Variants in CNTNAP3 observed in about 807,000 individuals in gnomAD.
CNTNAP3 encodes contactin-associated protein-like 3.
Under a neutral mutation model 92.1 loss-of-function variants are expected in CNTNAP3, and 36 were observed. The observed-to-expected ratio is 0.39, with a 90% CI of 0.30 to 0.52. CNTNAP3 has a LOEUF of 0.52. Ranked by LOEUF, CNTNAP3 falls within the 20% of genes least tolerant of loss-of-function variation. CNTNAP3 has a pLI of 0.76. For synonymous variants in CNTNAP3, 232 were observed against 422.3 expected (o/e 0.55, Z 5.53); for missense variants, 534 against 1,069.6 (o/e 0.50, Z 6.98).
intron 10 of CNTNAP3, among the ~76,000 whole-genome samples, 172 bp downstream of exon 10, chr9:39,149,634 C>T (rs564969797): frequency 2.2e-4 from 34 of 152,112 alleles, no homozygotes; most frequent in East Asian, 1.5e-3. Context: ...TGAGCCACCG[C>T]GCCCGGCCAA....
chr9:39,145,696 G>A lies in CNTNAP3; in HGVS notation c.1650-1350C>T, dbSNP rs752907945. Among the ~76,000 whole-genome samples the A allele has an allele frequency of 9.4e-3, 1,256 of 132,994 alleles. 1 individual carries two copies. Among genetic ancestry groups the A allele is most frequent in the East Asian group, 0.036 (147 of 4,046 alleles). The allele number at this position is 132,994 out of a possible 152,430, so 87.2% of individuals were successfully genotyped here. The stretch of plus-strand genomic sequence containing the variant: ...AGGGCCAAGACTTCCATAATTACAT[G>A]GTGTTAATGAGCATTTAGTCTGCAT... On this transcript the variant is annotated intron_variant, in intron 10 of 23. Coordinates refer to ENST00000297668, the MANE Select transcript of CNTNAP3 (RefSeq NM_033655.5).
At chr9:39,082,532 T>C (rs1033285368) in intron 21 of CNTNAP3, among the ~76,000 whole-genome samples, 3 of 152,288 alleles carry the variant, frequency 2.0e-5, no homozygotes, top group Non-Finnish European at 2.9e-5. Flanking sequence ...CATTCTGTAA[T>C]GTTGAAAGAG....
At chr9:39,119,556 A>G (rs1453138403) in intron 13 of CNTNAP3, among the ~76,000 whole-genome samples, 1 of 152,162 alleles carries the variant, frequency 6.6e-6, no homozygotes. Context: ...CACTCACTAT[A>G]TCCTAATGTA....
At chr9:39,149,344 G>GTT (rs1017581474) in intron 10 of CNTNAP3, among the ~76,000 whole-genome samples, 1 of 149,694 alleles carries the variant, frequency 6.7e-6, no homozygotes. Flanking sequence ...TAGAGATGCA[G>GTT]TTTTTGTTTT....
rs1308529450 is a variant in CNTNAP3 at position 39,067,149 on chromosome 9, T to C, written c.*6741A>G. Reference sequence around the variant, plus strand: ...TCTCATCTGCCATTAATTACATCCATTGTATTTTTTAATCTTATACATTAA... The same window carrying C: ...TCTCATCTGCCATTAATTACATCCACTGTATTTTTTAATCTTATACATTAA... On this transcript the variant is annotated 3_prime_UTR_variant, in exon 24 of 24. Transcript: ENST00000297668. Among the ~76,000 whole-genome samples, 1 of 151,734 alleles carries C rather than the reference T, an allele frequency of 6.6e-6. No individual in the cohort carries two copies. The highest frequency in any genetic ancestry group is 1.5e-5 in the Non-Finnish European group (1 of 67,554).
chr9:39,142,690 A>G (rs988632901), intron 11 of CNTNAP3, among the ~76,000 whole-genome samples: 28 of 151,712 alleles, frequency 1.8e-4, no homozygotes, highest in African/African-American at 6.6e-4. Context: ...AAAAAAAAGA[A>G]AATGTGTCAC....
chr9:39,098,524 T>C (rs1420525642), intron 18 of CNTNAP3, among the ~76,000 whole-genome samples: 1 of 152,162 alleles, frequency 6.6e-6, no homozygotes, highest in African/African-American at 2.4e-5. Context: ...TAAGAAAATT[T>C]TGGGTTATAA....
intron 10 of CNTNAP3, among the ~76,000 whole-genome samples, chr9:39,146,489 A>G (rs1821703224): frequency 1.3e-5 from 2 of 152,152 alleles, no homozygotes; most frequent in Admixed American, 1.3e-4. Flanking sequence ...GGAGATCGAG[A>G]CCATCCTGGC....
chr9:39,127,365 C>A (rs1462529505), intron 13 of CNTNAP3, among the ~76,000 whole-genome samples: 1 of 151,828 alleles, frequency 6.6e-6, no homozygotes, highest in East Asian at 1.9e-4. Context: ...TAAGTTCTTA[C>A]CTCTAGAAAC....
rs1269648727 is a variant in CNTNAP3 at position 39,118,185 on chromosome 9, C to T, written c.2155G>A (p.Ala719Thr). ...TCTAATCCACAAGTACACTTTTGAG[C>T]ATCAGGCAGAGAACCTCCCCAGGAA... ...HTSWGGSLPD[A>T]QKCTCGLEGN... is the part of the protein sequence containing the mutation. The change falls in exon 14 of 24, where the codon GCT (alanine) becomes ACT (threonine). Residue 719 changes from alanine (A) to threonine (T), a missense_variant. By Grantham distance (58) the Ala-to-Thr change is moderately conservative. Coordinates refer to ENST00000297668, the MANE Select transcript of CNTNAP3 (RefSeq NM_033655.5). 1.2e-6 allele frequency: 2 copies of T among 1,611,564 alleles called. No individual in the cohort carries two copies. The highest frequency in any genetic ancestry group is 1.7e-6 in the Non-Finnish European group (2 of 1,179,566).
intron 12 of CNTNAP3, among the ~76,000 whole-genome samples, chr9:39,133,350 T>A (rs925940483): frequency 3.9e-5 from 6 of 152,184 alleles, no homozygotes; most frequent in African/African-American, 1.4e-4. Context: ...ATGACCAAAC[T>A]TTTGTGACGT....
At chr9:39,101,074 T>C (rs1321217645) in intron 17 of CNTNAP3, among the ~76,000 whole-genome samples, 1 of 148,756 alleles carries the variant, frequency 6.7e-6, no homozygotes, top group Admixed American at 6.6e-5. Flanking sequence ...TTCCCTTAAA[T>C]AATCTCCAAG....
rs145636340 is a variant in CNTNAP3, at chr9:39,090,010, G to T, written c.2996-1363C>A. On this transcript the variant is annotated intron_variant, in intron 18 of 23. Transcript: ENST00000297668. ...GCTGGAGTGCAGTGGCGTGATCTCT[G>T]CTCACTGCAAGCTCTGCCTCCTGGG... 1.2e-3 allele frequency among the ~76,000 whole-genome samples: 182 copies of T among 152,196 alleles called. 3 individuals carry two copies. The East Asian group carries it at 0.027, about 23-fold the overall frequency.
At chr9:39,081,164 TCC>T (rs1825924026) in intron 21 of CNTNAP3, among the ~76,000 whole-genome samples, 1 of 151,442 alleles carries the variant, frequency 6.6e-6, no homozygotes, top group African/African-American at 2.4e-5. Flanking sequence ...CACACCACAA[TCC>T]AGGAAGAAAC....
chr9:39,109,790 T>A (rs1020427076), intron 14 of CNTNAP3, among the ~76,000 whole-genome samples: 3 of 152,148 alleles, frequency 2.0e-5, no homozygotes, highest in African/African-American at 7.2e-5. Context: ...CTGATCTAAA[T>A]GATTACAGAG....
chr9:39,134,910 G>T (rs1416014214), intron 12 of CNTNAP3, among the ~76,000 whole-genome samples: 1 of 152,230 alleles, frequency 6.6e-6, no homozygotes, highest in African/African-American at 2.4e-5. Flanking sequence ...CAATGGGAGA[G>T]AAATGATGGT....
chr9:39,140,896 T>C (rs1380994530), intron 11 of CNTNAP3, among the ~76,000 whole-genome samples: 1 of 152,184 alleles, frequency 6.6e-6, no homozygotes, highest in South Asian at 2.1e-4. Flanking sequence ...GCTGAATAAA[T>C]ATTTGGTCAC....
chr9:39,069,874 A>T lies in CNTNAP3; in HGVS notation c.*4016T>A, dbSNP rs1258948687. On this transcript the variant is annotated 3_prime_UTR_variant, in exon 24 of 24. Coordinates refer to ENST00000297668, the MANE Select transcript of CNTNAP3 (RefSeq NM_033655.5). ...ATATTTAATGTCTTTACCAATAGAAAAGCTCTGTAATTCTTAGAATTCAAT... is the reference window on the plus strand; with the variant it reads ...ATATTTAATGTCTTTACCAATAGAATAGCTCTGTAATTCTTAGAATTCAAT... 1.1e-3 allele frequency among the ~76,000 whole-genome samples: 166 copies of T among 150,892 alleles called. No homozygotes were observed. The South Asian group carries it at 0.016, about 15-fold the overall frequency.
At chr9:39,126,167 G>A (rs1321178759) in intron 13 of CNTNAP3, among the ~76,000 whole-genome samples, 2 of 151,934 alleles carry the variant, frequency 1.3e-5, no homozygotes, top group Admixed American at 6.6e-5. Flanking sequence ...GAATTAGAAT[G>A]GAATTAAACT....
Sources: allele counts gnomAD v4.1 joint callset (sites outside exome capture counted in the v4.1 genomes callset), GRCh38; gene constraint gnomAD v4.1.1; transcripts MANE v1.5; gene names NCBI Gene and HGNC (gene_info 2026-07-23, HGNC 2026-07-21).